The following SPPL3 variants were observed in gnomAD, a reference collection of about 807,000 sequenced individuals.
SPPL3 encodes signal peptide peptidase-like 3.
In SPPL3, 5 loss-of-function variants were observed where a neutral mutation model predicts 42.4. The ratio of observed to expected loss-of-function variants is 0.12; its 90% confidence interval spans 0.06 to 0.25. The LOEUF is 0.25. SPPL3 is among the 10% of genes least tolerant of loss of function. The pLI, the probability that SPPL3 is intolerant of heterozygous loss-of-function variation, is 1.00. For synonymous variants in SPPL3, 195 were observed against 181.8 expected, an observed-to-expected ratio of 1.07 and a Z score of -0.58; for missense variants, 235 against 489.0, an observed-to-expected ratio of 0.48 and a Z score of 4.90.
rs1392589535 is a variant in SPPL3, at chr12:120,802,415, G to GTGTA, written c.101+8393_101+8394insTACA. 5.5e-4 allele frequency among the ~76,000 whole-genome samples: 62 copies of GTGTA among 112,634 alleles called. No individual in the cohort carries two copies. The East Asian group carries it at 9.1e-3, about 16-fold the overall frequency. The allele number at this position is 112,634 out of a possible 152,430, so 73.9% of individuals were successfully genotyped here. On this transcript the variant is annotated intron_variant, in intron 2 of 10. Coordinates refer to ENST00000353487, the MANE Select transcript of SPPL3 (RefSeq NM_139015.5). ...CACATATATGTGTGTGTGTGTGTGT[G>GTGTA]TATATATATATATATATTTTTTTTT...
intron 1 of SPPL3, among the ~76,000 whole-genome samples, chr12:120,866,507 G>A (rs192791381): frequency 2.8e-4 from 43 of 151,522 alleles, no homozygotes; most frequent in Non-Finnish European, 5.1e-4. Flanking sequence ...GAAATAGTAA[G>A]GCATAATTTA....
At chr12:120,879,859 C>CAT (rs1188845377) in intron 1 of SPPL3, among the ~76,000 whole-genome samples, 1 of 151,908 alleles carries the variant, frequency 6.6e-6, no homozygotes, top group Non-Finnish European at 1.5e-5. Context: ...AAAAAACTTA[C>CAT]ATATATATAC....
intron 1 of SPPL3, among the ~76,000 whole-genome samples, chr12:120,899,888 C>CAAAAAAAA (rs34814522): frequency 1.8e-4 from 13 of 71,692 alleles, no homozygotes; most frequent in African/African-American, 7.6e-4. Context: ...GACCCTGTCT[C>CAAAAAAAA]AAAAAAAAAA....
intron 2 of SPPL3, among the ~76,000 whole-genome samples, chr12:120,795,377 G>A (rs1427675613): frequency 6.6e-6 from 1 of 152,206 alleles, no homozygotes; most frequent in Non-Finnish European, 1.5e-5. Flanking sequence ...CTGCTCAAAA[G>A]ACTTCCTTTA....
chr12:120,876,253 T>C (rs10849807), intron 1 of SPPL3, among the ~76,000 whole-genome samples: 62,540 of 151,766 alleles, frequency 0.41, 14,473 homozygotes, highest in Middle Eastern at 0.56. Context: ...TAGAAATTAA[T>C]AGAAGAAAAA....
intron 1 of SPPL3, among the ~76,000 whole-genome samples, chr12:120,873,235 C>T (rs1872981922): frequency 6.6e-6 from 1 of 152,100 alleles, no homozygotes; most frequent in Non-Finnish European, 1.5e-5. Context: ...GATGGTTTAA[C>T]TTGAAGACAC....
chr12:120,885,687 C>T (rs1873431309), intron 1 of SPPL3, among the ~76,000 whole-genome samples: 1 of 152,020 alleles, frequency 6.6e-6, no homozygotes. Context: ...CAATGACCTA[C>T]AACTATGGTT....
intron 1 of SPPL3, chr12:120,901,851 G>C (rs931486780): frequency 1.0e-6 from 1 of 976,884 alleles, no homozygotes; most frequent in African/African-American, 1.8e-5. Context: ...ACTAATGTCA[G>C]AGAGAGGTCG....
At chr12:120,890,864 C>A (rs1048059106) in intron 1 of SPPL3, among the ~76,000 whole-genome samples, 3 of 152,170 alleles carry the variant, frequency 2.0e-5, no homozygotes, top group African/African-American at 7.2e-5. Flanking sequence ...TCCGAGGTAT[C>A]TAGCTGTGAA....
intron 2 of SPPL3, among the ~76,000 whole-genome samples, chr12:120,809,646 A>G (rs1406791665): frequency 6.6e-6 from 1 of 152,200 alleles, no homozygotes; most frequent in African/African-American, 2.4e-5. Flanking sequence ...GACTGAGGAT[A>G]GTGGAAAAAG....
At chr12:120,854,351 T>C (rs1872377973) in intron 1 of SPPL3, among the ~76,000 whole-genome samples, 1 of 152,216 alleles carries the variant, frequency 6.6e-6, no homozygotes, top group African/African-American at 2.4e-5. Context: ...TGGTGATAAG[T>C]GTTGAATTAT....
chr12:120,815,483 G>A (rs1041289755), intron 1 of SPPL3, among the ~76,000 whole-genome samples: 5 of 152,144 alleles, frequency 3.3e-5, no homozygotes, highest in Admixed American at 2.0e-4. Context: ...AAAAACAAGA[G>A]CGGCTTTCTT....
chr12:120,802,050 T>A lies in SPPL3; in HGVS notation c.101+8759A>T, dbSNP rs139156994. Among the ~76,000 whole-genome samples, 349 of 152,256 alleles carry A rather than the reference T, an allele frequency of 2.3e-3. 1 individual carries two copies. Among genetic ancestry groups the A allele is most frequent in the African/African-American group, 7.8e-3 (325 of 41,544 alleles). ...TCTGGTTATATTTGCCCTAAATTTG[T>A]TTCAGGCTAGAATTAATTCAGTTGC... On this transcript the variant is annotated intron_variant, in intron 2 of 10. Coordinates refer to ENST00000353487, the MANE Select transcript of SPPL3 (RefSeq NM_139015.5).
intron 1 of SPPL3, among the ~76,000 whole-genome samples, chr12:120,843,352 G>T (rs1479136983): frequency 6.6e-6 from 1 of 151,926 alleles, no homozygotes; most frequent in East Asian, 1.9e-4. Context: ...TTCTCTCCTT[G>T]ACCCATTCAT....
intron 2 of SPPL3, chr12:120,791,771 C>A: frequency 2.1e-6 from 1 of 484,786 alleles, no homozygotes; most frequent in Non-Finnish European, 3.6e-6. Context: ...TGAAAGCATC[C>A]CAATGCAGCT....
intron 1 of SPPL3, among the ~76,000 whole-genome samples, chr12:120,887,672 A>C (rs1485490044): frequency 6.6e-6 from 1 of 152,212 alleles, no homozygotes; most frequent in Non-Finnish European, 1.5e-5. Context: ...TTGACACAAG[A>C]TTTTTAGTTG....
At chr12:120,863,611 A>G (rs1355952636) in intron 1 of SPPL3, among the ~76,000 whole-genome samples, 3 of 152,148 alleles carry the variant, frequency 2.0e-5, no homozygotes, top group Non-Finnish European at 4.4e-5. Context: ...GTAATCGTAG[A>G]TATTATTCTT....
intron 1 of SPPL3, among the ~76,000 whole-genome samples, chr12:120,828,954 G>C (rs1871310877): frequency 6.6e-6 from 1 of 151,892 alleles, no homozygotes; most frequent in East Asian, 1.9e-4. Context: ...TAGAGATGGG[G>C]GTCTCTCTAT....
chr12:120,884,644 T>G (rs554496054), intron 1 of SPPL3, among the ~76,000 whole-genome samples: 1 of 151,912 alleles, frequency 6.6e-6, no homozygotes, highest in African/African-American at 2.4e-5. Context: ...TCTGTGTTGG[T>G]AGAATTGTGG....
Sources: allele counts gnomAD v4.1 joint callset (sites outside exome capture counted in the v4.1 genomes callset), GRCh38; gene constraint gnomAD v4.1.1; transcripts MANE v1.5; gene names NCBI Gene and HGNC (gene_info 2026-07-23, HGNC 2026-07-21).